TIAM1: variants seen among roughly 807,000 people sequenced by gnomAD.
TIAM1 encodes rho guanine nucleotide exchange factor TIAM1.
A neutral mutation model predicts 163.5 loss-of-function variants in TIAM1; 65 were observed. That is an observed-to-expected ratio of 0.40 (90% confidence interval 0.33 to 0.49). The LOEUF is 0.49. Ranked by LOEUF, TIAM1 falls within the 20% of genes least tolerant of loss-of-function variation. The pLI is 0.77. For missense variants in TIAM1, 1,789 were observed against 2,044.7 expected, an observed-to-expected ratio of 0.87 and a Z score of 2.41; for synonymous variants, 833 against 810.1, an observed-to-expected ratio of 1.03 and a Z score of -0.48.
At chr21:31,279,475 G>C (rs900207313) in intron 2 of TIAM1, among the ~76,000 whole-genome samples, 1 of 152,182 alleles carries the variant, frequency 6.6e-6, no homozygotes, top group Non-Finnish European at 1.5e-5. Context: ...AGTTTCACTG[G>C]GAGACAGCTA....
At chr21:31,357,537 C>G (rs1263243059) in intron 2 of TIAM1, among the ~76,000 whole-genome samples, 2 of 152,172 alleles carry the variant, frequency 1.3e-5, no homozygotes. Context: ...AATCTCCACC[C>G]CTTGCTCACT....
intron 9 of TIAM1, among the ~76,000 whole-genome samples, chr21:31,217,227 C>G (rs933956854): frequency 6.6e-6 from 1 of 151,852 alleles, no homozygotes; most frequent in Non-Finnish European, 1.5e-5. Context: ...AAAGACTGCA[C>G]TCAGGTACCC....
chr21:31,227,966 G>A lies in TIAM1; in HGVS notation c.1585-2016C>T, dbSNP rs180841208. Among the ~76,000 whole-genome samples, 197 of 151,842 alleles carry A rather than the reference G, an allele frequency of 1.3e-3. 1 individual carries two copies. Among genetic ancestry groups the A allele is most frequent in the Non-Finnish European group, 2.2e-3 (152 of 67,962 alleles). ...TCACCAGGCTGGAGTGCAGTGGCGC[G>A]ATCTCAGTTCACTGCAACCTCCGCC... On this transcript the variant is annotated intron_variant, in intron 6 of 27. Transcript: ENST00000541036.
intron 15 of TIAM1, among the ~76,000 whole-genome samples, chr21:31,177,578 G>A (rs1443297775): frequency 6.6e-6 from 1 of 152,182 alleles, no homozygotes; most frequent in African/African-American, 2.4e-5. Context: ...CTGCACTCCA[G>A]GCTGGGTGAC....
At chr21:31,433,127 C>A (rs1397701844) in intron 2 of TIAM1, among the ~76,000 whole-genome samples, 1 of 152,080 alleles carries the variant, frequency 6.6e-6, no homozygotes, top group African/African-American at 2.4e-5. Flanking sequence ...GATAAATAAC[C>A]AATTGAAGCA....
At chr21:31,122,194 C>A (rs185181934) in intron 27 of TIAM1, among the ~76,000 whole-genome samples, 95 of 152,120 alleles carry the variant, frequency 6.2e-4, no homozygotes, top group Non-Finnish European at 3.1e-4. Context: ...AACTGTGGAA[C>A]AAATGGACAC....
intron 1 of TIAM1, among the ~76,000 whole-genome samples, chr21:31,517,311 A>C (rs2047417976): frequency 6.6e-6 from 1 of 152,176 alleles, no homozygotes; most frequent in South Asian, 2.1e-4. Context: ...GAACAGGAGA[A>C]TCACTTGAGG....
Position 31,141,627 on chromosome 21 carries a change from G to T in TIAM1, c.3476-123C>A. The stretch of plus-strand genomic sequence containing the variant: ...TGCAGGACTGAGCAGAGAGTGGGTG[G>T]CAGGAAGAGGGACAGGTAGGGGAGG... On this transcript the variant is annotated intron_variant, in intron 20 of 27. Transcript: ENST00000541036. The surrounding 1 kb of genome is among the most constrained non-coding windows in gnomAD (Gnocchi z 4.7). 9.2e-7 allele frequency: 1 copy of T among 1,092,034 alleles called. No homozygotes were observed. 67.6% of individuals were successfully genotyped at this position (1,092,034 alleles called of 1,614,324 possible). A position where few individuals can be genotyped will look rare whatever the true frequency, so the allele number is the denominator to read the frequency against.
chr21:31,439,765 T>C (rs2044354030), intron 2 of TIAM1, among the ~76,000 whole-genome samples: 2 of 152,212 alleles, frequency 1.3e-5, no homozygotes, highest in African/African-American at 4.8e-5. Context: ...CTCAAAAAGT[T>C]GGCAGCACTG....
intron 12 of TIAM1, among the ~76,000 whole-genome samples, chr21:31,199,400 C>G (rs577503305): frequency 1.3e-5 from 2 of 152,064 alleles, no homozygotes; most frequent in Non-Finnish European, 2.9e-5. Flanking sequence ...TTCCCTCCCC[C>G]CCACCATCTC....
At chr21:31,413,336 C>A (rs1439688065) in intron 2 of TIAM1, among the ~76,000 whole-genome samples, 1 of 129,774 alleles carries the variant, frequency 7.7e-6, no homozygotes, top group African/African-American at 3.0e-5. Flanking sequence ...GTGGCACGAT[C>A]TCAGCTCACT....
intron 6 of TIAM1, among the ~76,000 whole-genome samples, chr21:31,240,990 G>A (rs776139590): frequency 1.3e-5 from 2 of 152,110 alleles, no homozygotes; most frequent in Non-Finnish European, 2.9e-5. Flanking sequence ...TGCTGTTCTC[G>A]TGATAGTAAG....
chr21:31,553,556 T>G (rs2048766036), intron 1 of TIAM1, among the ~76,000 whole-genome samples: 2 of 152,156 alleles, frequency 1.3e-5, no homozygotes, highest in African/African-American at 4.8e-5. Flanking sequence ...TGGACTTTCC[T>G]GCAAGAAATT....
intron 2 of TIAM1, among the ~76,000 whole-genome samples, chr21:31,436,520 A>T (rs535910952): frequency 6.6e-6 from 1 of 152,098 alleles, no homozygotes; most frequent in South Asian, 2.1e-4. Context: ...CCAGCTACTC[A>T]GGAGACTGAG....
chr21:31,171,035 C>CAAAAAAAAAAAAAAAAAAAAA (rs34291568), intron 15 of TIAM1, among the ~76,000 whole-genome samples: 1 of 19,572 alleles, frequency 5.1e-5, no homozygotes, highest in African/African-American at 1.0e-4. Flanking sequence ...GACTCCATCT[C>CAAAAAAAAAAAAAAAAAAAAA]AAAAAAAAAA....
chr21:31,473,658 A>C (rs2147379185), intron 1 of TIAM1, among the ~76,000 whole-genome samples: 2 of 152,116 alleles, frequency 1.3e-5, no homozygotes, highest in East Asian at 3.9e-4. Flanking sequence ...CACAAGGAAA[A>C]CAACCGGAAG....
chr21:31,282,812 C>A (rs985295200), intron 2 of TIAM1, among the ~76,000 whole-genome samples: 1 of 152,160 alleles, frequency 6.6e-6, no homozygotes, highest in Non-Finnish European at 1.5e-5. Flanking sequence ...TAAAAAGACA[C>A]CCAAATCAGA....
At chr21:31,276,470 T>C (rs1402479532) in intron 3 of TIAM1, among the ~76,000 whole-genome samples, 1 of 152,196 alleles carries the variant, frequency 6.6e-6, no homozygotes, top group Non-Finnish European at 1.5e-5. Context: ...AGCCCAGGGA[T>C]AAATTTACGA....
intron 2 of TIAM1, among the ~76,000 whole-genome samples, chr21:31,360,096 G>A (rs2076383929): frequency 1.3e-5 from 2 of 152,052 alleles, no homozygotes; most frequent in African/African-American, 4.8e-5. Flanking sequence ...CAACAAGAAG[G>A]AGACTGATGA....
Sources: allele counts gnomAD v4.1 joint callset (sites outside exome capture counted in the v4.1 genomes callset), GRCh38; gene constraint gnomAD v4.1.1; non-coding constraint Gnocchi (gnomAD v3.1); transcripts MANE v1.5; gene names NCBI Gene and HGNC (gene_info 2026-07-23, HGNC 2026-07-21).